SLC44A5: variants seen among roughly 807,000 people sequenced by gnomAD.
The protein encoded by SLC44A5 is choline transporter-like protein 5.
In SLC44A5, 57 loss-of-function variants were observed where a neutral mutation model predicts 101.8. The observed-to-expected ratio is 0.56, with a 90% CI of 0.45 to 0.70. The LOEUF (loss-of-function observed/expected upper bound fraction) is 0.70. Ranked by LOEUF, SLC44A5 falls within the 30% of genes least tolerant of loss-of-function variation. SLC44A5 has a pLI of 0.00. For synonymous variants in SLC44A5, 281 were observed against 290.9 expected (o/e 0.97, Z 0.35); for missense variants, 737 against 853.1 (o/e 0.86, Z 1.70).
chr1:75,583,898 C>A (rs1361467566), intron 1 of SLC44A5, among the ~76,000 whole-genome samples: 1 of 152,318 alleles, frequency 6.6e-6, no homozygotes, highest in East Asian at 1.9e-4. Flanking sequence ...AGATCACAGA[C>A]CAGTTGGTGG....
intron 2 of SLC44A5, among the ~76,000 whole-genome samples, chr1:75,477,239 CA>C (rs935715820): frequency 4.6e-5 from 7 of 152,064 alleles, no homozygotes; most frequent in African/African-American, 1.4e-4. Context: ...ACATCCACGC[CA>C]AAAACCCATC....
chr1:75,229,533 A>G (rs1371538675), intron 12 of SLC44A5, among the ~76,000 whole-genome samples: 1 of 152,000 alleles, frequency 6.6e-6, no homozygotes, highest in Non-Finnish European at 1.5e-5. Context: ...CTTCATCTTA[A>G]CTGTCTAACT....
intron 1 of SLC44A5, among the ~76,000 whole-genome samples, chr1:75,604,920 T>A (rs1441877725): frequency 6.6e-6 from 1 of 151,986 alleles, no homozygotes; most frequent in East Asian, 1.9e-4. Context: ...TCTTTGGCAG[T>A]CTTTAGGGAT....
intron 13 of SLC44A5, among the ~76,000 whole-genome samples, chr1:75,227,013 T>G (rs560330885): frequency 6.6e-6 from 1 of 152,222 alleles, no homozygotes; most frequent in East Asian, 1.9e-4. Flanking sequence ...TTAAATGTTT[T>G]GTTATGAAAA....
chr1:75,697,947 G>A, the SLC44A5 span, among the ~76,000 whole-genome samples: 3 of 152,286 alleles, frequency 2.0e-5, no homozygotes, highest in Non-Finnish European at 2.9e-5. Context: ...TTTCCAACGG[G>A]CTTAAAAAAC....
At chr1:75,429,506 T>C (rs1664491366) in intron 2 of SLC44A5, among the ~76,000 whole-genome samples, 1 of 152,178 alleles carries the variant, frequency 6.6e-6, no homozygotes, top group East Asian at 1.9e-4. Flanking sequence ...TCAAAGAATA[T>C]TTGTGGGCAT....
intron 23 of SLC44A5, among the ~76,000 whole-genome samples, chr1:75,209,390 TGAGAG>T (rs1302152067): frequency 4.6e-5 from 7 of 152,178 alleles, no homozygotes; most frequent in Admixed American, 2.0e-4. Flanking sequence ...ATGTTGGAGA[TGAGAG>T]GAGAGATCTT....
At chr1:75,663,304 G>A in the SLC44A5 span, among the ~76,000 whole-genome samples, 1 of 152,120 alleles carries the variant, frequency 6.6e-6, no homozygotes, top group African/African-American at 2.4e-5. Context: ...AGGGACCTCA[G>A]CATTCTTTTG....
intron 2 of SLC44A5, among the ~76,000 whole-genome samples, chr1:75,461,546 G>A (rs1466797987): frequency 6.6e-6 from 1 of 152,070 alleles, no homozygotes; most frequent in Non-Finnish European, 1.5e-5. Flanking sequence ...TGCTAGCCAC[G>A]GTGACTAAAT....
At chr1:75,263,429 GA>G (rs1650709260) in intron 6 of SLC44A5, among the ~76,000 whole-genome samples, 1 of 152,138 alleles carries the variant, frequency 6.6e-6, no homozygotes, top group Non-Finnish European at 1.5e-5. Flanking sequence ...ACCACAATGA[GA>G]TACCATCTCA....
At chr1:75,270,020 T>A (rs567451233) in intron 6 of SLC44A5, among the ~76,000 whole-genome samples, 1 of 152,124 alleles carries the variant, frequency 6.6e-6, no homozygotes, top group Non-Finnish European at 1.5e-5. Context: ...TTCTGTCTTG[T>A]CTGCCACCGT....
At chr1:75,399,413 CA>C (rs1662333466) in intron 2 of SLC44A5, among the ~76,000 whole-genome samples, 1 of 152,036 alleles carries the variant, frequency 6.6e-6, no homozygotes, top group African/African-American at 2.4e-5. Context: ...AGGAACTAAA[CA>C]AATCCAGAAA....
intron 3 of SLC44A5, among the ~76,000 whole-genome samples, chr1:75,351,846 C>CAAAAAAA (rs71071942): frequency 3.2e-4 from 9 of 28,402 alleles, no homozygotes; most frequent in East Asian, 2.2e-3. Flanking sequence ...CACACTTTAC[C>CAAAAAAA]AAAAAAAAAA....
At chr1:75,435,448 G>A (rs1002206314) in intron 2 of SLC44A5, among the ~76,000 whole-genome samples, 1 of 152,064 alleles carries the variant, frequency 6.6e-6, no homozygotes, top group African/African-American at 2.4e-5. Flanking sequence ...TCTTTTCTAA[G>A]GTTGTTCATT....
chr1:75,496,467 T>C (rs1244961041), intron 2 of SLC44A5, among the ~76,000 whole-genome samples: 1 of 151,960 alleles, frequency 6.6e-6, no homozygotes, highest in Non-Finnish European at 1.5e-5. Context: ...CAACTCAAAA[T>C]GGATTAAAGA....
chr1:75,206,037 C>T (rs886753757), intron 23 of SLC44A5: 1 of 152,222 alleles, frequency 6.6e-6, no homozygotes, highest in Admixed American at 6.5e-5. Flanking sequence ...TCCGTAGAAC[C>T]TATATAACAT....
intron 9 of SLC44A5, among the ~76,000 whole-genome samples, chr1:75,240,308 T>G (rs1167862114): frequency 6.6e-6 from 1 of 152,102 alleles, no homozygotes; most frequent in Non-Finnish European, 1.5e-5. Context: ...ATGAACAAAT[T>G]TTATTATCTG....
intron 3 of SLC44A5, among the ~76,000 whole-genome samples, chr1:75,339,885 A>T (rs1008173438): frequency 9.2e-5 from 14 of 152,170 alleles, no homozygotes; most frequent in African/African-American, 3.4e-4. Flanking sequence ...TCCTCCCACC[A>T]TACTGAGTAC....
chr1:75,352,418 T>C lies in SLC44A5; in HGVS notation c.53-12788A>G, dbSNP rs78362324. Among the ~76,000 whole-genome samples, 1,325 of 151,738 alleles carry C rather than the reference T, an allele frequency of 8.7e-3. 22 individuals are homozygous for C. Among genetic ancestry groups the C allele is most frequent in the African/African-American group, 0.031 (1,268 of 41,384 alleles). On this transcript the variant is annotated intron_variant, in intron 3 of 23. Coordinates refer to ENST00000370859, the MANE Select transcript of SLC44A5 (RefSeq NM_001130058.2). ...CCCCCGATGTGTCCATGTGTTCTCA[T>C]TGGAGAACTTCTGTTTTTTGTTTTT... is the stretch of plus-strand genomic sequence containing the variant.
Sources: allele counts gnomAD v4.1 joint callset (sites outside exome capture counted in the v4.1 genomes callset), GRCh38; gene constraint gnomAD v4.1.1; transcripts MANE v1.5; gene names NCBI Gene and HGNC (gene_info 2026-07-23, HGNC 2026-07-21).